The following PCNX1 variants were observed in gnomAD, a reference collection of about 807,000 sequenced individuals.
PCNX1 encodes pecanex 1, also known as pecanex-like protein 1.
PCNX1 carries 78 observed loss-of-function variants against 242.2 expected under a neutral mutation model. The observed-to-expected ratio is 0.32, with a 90% CI of 0.27 to 0.39. The LOEUF (loss-of-function observed/expected upper bound fraction) is 0.39, where lower values mean the gene tolerates loss of function less well. PCNX1 is among the 10% of genes least tolerant of loss of function. PCNX1 has a pLI of 1.00. For missense variants in PCNX1, 2,581 were observed against 2,856.5 expected (o/e 0.90, Z 2.20); for synonymous variants, 1,024 against 1,032.9 (o/e 0.99, Z 0.17).
chr14:70,962,213 T>G lies in PCNX1; in HGVS notation c.363-13T>G. 1 of 1,511,432 alleles carries G rather than the reference T, an allele frequency of 6.6e-7. No homozygotes were observed. 93.6% of individuals were successfully genotyped at this position (1,511,432 alleles called of 1,614,324 possible). A position where few individuals can be genotyped will look rare whatever the true frequency, so the allele number is the denominator to read the frequency against. On this transcript the variant is annotated splice_polypyrimidine_tract_variant and intron_variant, in intron 2 of 35. Coordinates refer to ENST00000304743, the MANE Select transcript of PCNX1 (RefSeq NM_014982.3). ...AATGACAGTTACTCTTTTTCTCATT[T>G]TTTTCTCCACAGTGATCCTGGTGGA...
At chr14:71,003,648 A>G (rs1231039558) in intron 8 of PCNX1, among the ~76,000 whole-genome samples, 1 of 152,232 alleles carries the variant, frequency 6.6e-6, no homozygotes. Flanking sequence ...ACTTTTGGAA[A>G]GTTCAGCTGA....
At chr14:70,940,831 T>C (rs896841748) in intron 1 of PCNX1, among the ~76,000 whole-genome samples, 3 of 152,200 alleles carry the variant, frequency 2.0e-5, no homozygotes, top group Admixed American at 6.6e-5. Flanking sequence ...CTTTTCTTTT[T>C]ACTCTTTTTT....
chr14:71,022,609 G>A (rs1372106730), intron 12 of PCNX1, among the ~76,000 whole-genome samples: 1 of 152,136 alleles, frequency 6.6e-6, no homozygotes, highest in Non-Finnish European at 1.5e-5. Flanking sequence ...AAAGTCATGA[G>A]TAGGGAAGTA....
intron 1 of PCNX1, among the ~76,000 whole-genome samples, chr14:70,936,599 C>T (rs2057015604): frequency 1.3e-5 from 2 of 152,162 alleles, no homozygotes; most frequent in South Asian, 4.1e-4. Flanking sequence ...ATACGTGTTG[C>T]ATGTGTCTTT....
In PCNX1 at chr14:70,912,663, G is replaced by A. The variant is rs185887522; in HGVS notation, c.153+4660G>A. 3.3e-5 allele frequency among the ~76,000 whole-genome samples: 5 copies of A among 152,014 alleles called. No individual in the cohort carries two copies. In the East Asian group the frequency reaches 9.6e-4, roughly 29 times the overall value. ...AGCAAATCTTACCACTTTCTGCTCAGAGGAAAAGACATAAATCTGTGTCAT... is the reference window on the plus strand; with the variant it reads ...AGCAAATCTTACCACTTTCTGCTCAAAGGAAAAGACATAAATCTGTGTCAT... On this transcript the variant is annotated intron_variant, in intron 1 of 35. Transcript: ENST00000304743.
chr14:71,065,929 C>A (rs1039787626), intron 26 of PCNX1, among the ~76,000 whole-genome samples: 2 of 151,906 alleles, frequency 1.3e-5, no homozygotes, highest in African/African-American at 4.8e-5. Context: ...GTCGCAGATG[C>A]GTGGCATTAT....
intron 5 of PCNX1, among the ~76,000 whole-genome samples, chr14:70,972,981 G>A (rs983257156): frequency 1.3e-5 from 2 of 152,154 alleles, no homozygotes; most frequent in Non-Finnish European, 2.9e-5. Context: ...GCTGGGTGCG[G>A]TGACTTACCC....
chr14:71,035,510 C>G (rs921993227), intron 18 of PCNX1, among the ~76,000 whole-genome samples: 1 of 152,024 alleles, frequency 6.6e-6, no homozygotes, highest in Admixed American at 6.6e-5. Context: ...GTAATCCCAG[C>G]ACTTTGGGAG....
Position 70,984,274 on chromosome 14 carries a change from T to G in PCNX1, c.2312-4293T>G, listed in dbSNP as rs191535101. On this transcript the variant is annotated intron_variant, in intron 6 of 35. Transcript: ENST00000304743. ...GAGCAATTTCCTCTGTCTAAATTTT[T>G]ATTAATTTAATTGAAATTGAGCTAC... Among the ~76,000 whole-genome samples, 1,222 of 151,696 alleles carry G rather than the reference T, an allele frequency of 8.1e-3. 54 individuals are homozygous for G. Among genetic ancestry groups the G allele is most frequent in the Middle Eastern group, 0.017 (5 of 294 alleles).
intron 19 of PCNX1, among the ~76,000 whole-genome samples, chr14:71,039,257 A>C (rs1353499755): frequency 2.0e-5 from 3 of 152,094 alleles, no homozygotes; most frequent in Non-Finnish European, 4.4e-5. Flanking sequence ...AAAAAACCAA[A>C]TACTTATTTT....
chr14:71,034,163 T>G (rs2060467438), intron 18 of PCNX1, 127 bp downstream of exon 18: 1 of 578,994 alleles, frequency 1.7e-6, no homozygotes, highest in Non-Finnish European at 3.1e-6. Context: ...TTTATAGGAT[T>G]AGTTGTACAT....
At chr14:71,063,568 A>C (rs2061375662) in intron 26 of PCNX1, among the ~76,000 whole-genome samples, 1 of 151,990 alleles carries the variant, frequency 6.6e-6, no homozygotes, top group Admixed American at 6.6e-5. Context: ...TGTTGATGTG[A>C]TCTTTGGTTA....
chr14:70,933,020 G>A (rs1478297633), intron 1 of PCNX1, among the ~76,000 whole-genome samples: 1 of 152,038 alleles, frequency 6.6e-6, no homozygotes, highest in Non-Finnish European at 1.5e-5. Context: ...TCTCACTGAG[G>A]GGGAAGACAC....
chr14:71,105,588 G>A (rs1019366308), intron 33 of PCNX1, 148 bp downstream of exon 33: 2 of 603,512 alleles, frequency 3.3e-6, no homozygotes, highest in Non-Finnish European at 5.8e-6. Flanking sequence ...TCTTGCTCTG[G>A]CTGGAGTGCA....
chr14:70,909,660 A>G (rs2055735771), intron 1 of PCNX1, among the ~76,000 whole-genome samples: 1 of 152,218 alleles, frequency 6.6e-6, no homozygotes, highest in Admixed American at 6.5e-5. Flanking sequence ...AGCAAATGTT[A>G]CTGAAAGAAT....
intron 5 of PCNX1, among the ~76,000 whole-genome samples, chr14:70,972,559 C>T (rs957552332): frequency 6.6e-5 from 10 of 152,050 alleles, no homozygotes; most frequent in African/African-American, 2.4e-4. Context: ...TATGGTTTGG[C>T]GCCACCTAGT....
chr14:70,919,785 T>C (rs1341176498), intron 1 of PCNX1, among the ~76,000 whole-genome samples: 1 of 141,698 alleles, frequency 7.1e-6, no homozygotes, highest in Non-Finnish European at 1.5e-5. Context: ...GAGTTCTTCT[T>C]TTATCCCTGG....
intron 8 of PCNX1, among the ~76,000 whole-genome samples, chr14:70,997,533 A>G (rs767921909): frequency 1.3e-5 from 2 of 152,172 alleles, no homozygotes; most frequent in African/African-American, 4.8e-5. Context: ...CCAGTTCTGA[A>G]GATTGAAAAA....
chr14:71,070,159 A>G (rs1357314990), intron 26 of PCNX1, among the ~76,000 whole-genome samples: 1 of 152,182 alleles, frequency 6.6e-6, no homozygotes, highest in East Asian at 1.9e-4. Flanking sequence ...TTATCAGGAT[A>G]TTATAGCAAT....
Sources: gnomAD v4.1 joint callset for allele counts (sites outside exome capture counted in the v4.1 genomes callset) on GRCh38, gnomAD v4.1.1 for gene constraint, MANE v1.5 for transcripts, NCBI Gene and HGNC (gene_info 2026-07-23, HGNC 2026-07-21) for gene names.